OS9: variants seen among roughly 807,000 people sequenced by gnomAD.
The protein encoded by OS9 is protein OS-9.
In OS9, 58 loss-of-function variants were observed where a neutral mutation model predicts 84.7. The observed-to-expected ratio is 0.68, with a 90% CI of 0.55 to 0.85. The LOEUF is 0.85. OS9 is among the 40% of genes least tolerant of loss of function. The probability of loss-of-function intolerance (pLI) is 0.00; values close to 1 mark genes in which losing one functional copy is unlikely to be tolerated. For synonymous variants in OS9, 278 were observed against 320.8 expected (o/e 0.87, Z 1.43); for missense variants, 760 against 850.9 (o/e 0.89, Z 1.33).
chr12:57,715,968 C>T lies in OS9; in HGVS notation c.788C>T (p.Ala263Val). Residue 263 changes from alanine to valine, a missense_variant and splice_region_variant, in exon 6 of 15, where the codon GCC becomes GTC. Transcript: ENST00000315970. Reference sequence around the variant, plus strand: ...TACATGGCCTACGTTCAGAGGCAAGCCGGTGAGTAATTAGAGAAGGAGGAG... The same window carrying T: ...TACATGGCCTACGTTCAGAGGCAAGTCGGTGAGTAATTAGAGAAGGAGGAG... ...EEYMAYVQRQ[A>V]DSKQYGDKII... is the part of the protein sequence containing the mutation. 1 of 1,610,750 alleles carries T rather than the reference C, an allele frequency of 6.2e-7. No homozygotes were observed. The highest frequency in any genetic ancestry group is 8.5e-7 in the Non-Finnish European group (1 of 1,177,924).
At chr12:57,719,462 A>G (rs1306410704) in intron 12 of OS9, 4 of 410,288 alleles carry the variant, frequency 9.7e-6, no homozygotes, top group South Asian at 3.8e-5. Flanking sequence ...CTGGCACACA[A>G]TGGATGATCA....
chr12:57,698,576 G>T (rs1001692822), intron 5 of OS9, among the ~76,000 whole-genome samples: 4 of 152,204 alleles, frequency 2.6e-5, no homozygotes, highest in African/African-American at 9.7e-5. Flanking sequence ...AGGGTGAAAA[G>T]GAGGCCTCTT....
intron 5 of OS9, among the ~76,000 whole-genome samples, chr12:57,706,682 C>CA (rs961615662): frequency 1.7e-4 from 26 of 149,576 alleles, no homozygotes; most frequent in Middle Eastern, 3.4e-3. Context: ...TCCTGTCTCT[C>CA]AAAAAAAAAG....
At chr12:57,695,933 ACAGTGCTT>A in intron 3 of OS9, 21 bp from the exon 4 acceptor site, 1 of 1,592,716 alleles carries the variant, frequency 6.3e-7, no homozygotes, top group Non-Finnish European at 8.6e-7. Context: ...CTTAAGAGTA[ACAGTGCTT>A]CACTGTGGCT....
chr12:57,718,882 G>A lies in OS9; in HGVS notation c.1411-111G>A, dbSNP rs746376690. 23 of 783,404 alleles carry A rather than the reference G, an allele frequency of 2.9e-5. No homozygotes were observed. In the East Asian group the frequency reaches 3.9e-4, roughly 13 times the overall value. The allele number at this position is 783,404 out of a possible 1,614,324, so 48.5% of individuals were successfully genotyped here. A position where few individuals can be genotyped will look rare whatever the true frequency, so the allele number is the denominator to read the frequency against. On this transcript the variant is annotated intron_variant, in intron 11 of 14. Transcript: ENST00000315970. ...ACGGCACCACTGTACTCCAGCCTGG[G>A]TGATAAGCAAAACTCCATTTCAAAA...
chr12:57,719,906 A>G (rs1300798298), intron 12 of OS9, 193 bp from the exon 13 acceptor site: 10 of 543,068 alleles, frequency 1.8e-5, no homozygotes, highest in East Asian at 6.0e-5. Context: ...GAAGGCTGCA[A>G]TTGGTGGAGG....
At chr12:57,711,055 A>T (rs1186712632) in intron 5 of OS9, among the ~76,000 whole-genome samples, 2 of 150,814 alleles carry the variant, frequency 1.3e-5, no homozygotes, top group Non-Finnish European at 3.0e-5. Flanking sequence ...AAAAAAAAAA[A>T]AAAAAAGAGA....
At position 57,718,177 on chromosome 12, in the gene OS9, T is replaced by C. The variant is rs1185114960; in HGVS notation, c.1166T>C (p.Val389Ala). ...CCAAATATAGGCCAAGAGCAGCCTG[T>C]GGATGATGCTGCAGAAGTCCCTCAG... ...GKPNIGQEQP[V>A]DDAAEVPQRE... is the part of the protein sequence containing the mutation. Residue 389 changes from valine (V) to alanine (A), a missense_variant, in exon 11 of 15, where the codon GTG becomes GCG. Physicochemically the swap from Val to Ala is moderately conservative, Grantham distance 64 (BLOSUM62 0). Transcript: ENST00000315970. The C allele has an allele frequency of 3.1e-6, 5 of 1,613,932 alleles. No individual in the cohort carries two copies. Among genetic ancestry groups the C allele is most frequent in the Non-Finnish European group, 3.4e-6 (4 of 1,179,974 alleles).
intron 1 of OS9, 132 bp downstream of exon 1, chr12:57,694,455 T>TAAAAGC (rs1262133165): frequency 9.9e-7 from 1 of 1,012,154 alleles, no homozygotes; most frequent in Non-Finnish European, 1.5e-6. Flanking sequence ...GCTTTTACGG[T>TAAAAGC]GACCCCTGGG....
At chr12:57,717,528 C>T (rs567805014) in intron 9 of OS9, among the ~76,000 whole-genome samples, 44 of 152,272 alleles carry the variant, frequency 2.9e-4, no homozygotes, top group Non-Finnish European at 4.9e-4. Context: ...CGTGGTGGCT[C>T]ATGCCTGTAA....
At chr12:57,715,226 G>A (rs907034903) in intron 5 of OS9, among the ~76,000 whole-genome samples, 1 of 152,068 alleles carries the variant, frequency 6.6e-6, no homozygotes, top group African/African-American at 2.4e-5. Flanking sequence ...AGCCAGGCAT[G>A]ATGGCAGGTG....
intron 5 of OS9, among the ~76,000 whole-genome samples, chr12:57,700,665 A>G (rs1349131558): frequency 1.3e-5 from 2 of 151,838 alleles, no homozygotes; most frequent in Admixed American, 6.6e-5. Context: ...ATAAATTCCT[A>G]TTTATTGGTG....
chr12:57,719,764 G>C, intron 12 of OS9: 1 of 264,784 alleles, frequency 3.8e-6, no homozygotes, highest in Non-Finnish European at 7.3e-6. Flanking sequence ...ACATATGGAG[G>C]AGGAGACCAC....
chr12:57,710,747 A>C (rs900506501), intron 5 of OS9, among the ~76,000 whole-genome samples: 3 of 152,198 alleles, frequency 2.0e-5, no homozygotes, highest in Admixed American at 2.0e-4. Context: ...GTATGTAATG[A>C]AATATTTCCC....
intron 5 of OS9, among the ~76,000 whole-genome samples, chr12:57,700,185 G>A (rs1344792405): frequency 6.6e-6 from 1 of 151,850 alleles, no homozygotes; most frequent in South Asian, 2.1e-4. Flanking sequence ...GTAAGCATTA[G>A]TGAGAGGTGC....
chr12:57,698,623 G>A (rs1953934371), intron 5 of OS9, among the ~76,000 whole-genome samples: 1 of 152,208 alleles, frequency 6.6e-6, no homozygotes, highest in Admixed American at 6.5e-5. Flanking sequence ...TGGAGGATGA[G>A]GAGTTAGACT....
At position 57,720,070 on chromosome 12, in the gene OS9, GTGTTTCCCTGTGTGTC is replaced by G; in HGVS notation, c.1601-27_1601-12del. ...AACCCTGGAGTCACGCCTCTGCTTTGTGTTTCCCTGTGTGTCTCCCCCTCTAAGAGGAGGATCCTGA... is the reference window on the plus strand; with the variant it reads ...AACCCTGGAGTCACGCCTCTGCTTTGTCCCCCTCTAAGAGGAGGATCCTGA... On this transcript the variant is annotated splice_polypyrimidine_tract_variant and intron_variant, in intron 12 of 14. Coordinates refer to ENST00000315970, the MANE Select transcript of OS9 (RefSeq NM_006812.4). 1.9e-6 allele frequency: 3 copies of G among 1,608,964 alleles called. No homozygotes were observed. Among genetic ancestry groups the G allele is most frequent in the Non-Finnish European group, 2.5e-6 (3 of 1,177,704 alleles).
At chr12:57,715,451 T>C (rs1954457074) in intron 5 of OS9, among the ~76,000 whole-genome samples, 1 of 152,140 alleles carries the variant, frequency 6.6e-6, no homozygotes, top group South Asian at 2.1e-4. Context: ...AACAAGAATA[T>C]GAAACATAAA....
chr12:57,709,109 T>G (rs1051577025), intron 5 of OS9, among the ~76,000 whole-genome samples: 1 of 152,240 alleles, frequency 6.6e-6, no homozygotes, highest in African/African-American at 2.4e-5. Flanking sequence ...TTCTTTACTC[T>G]TTTCTTTCAG....
Sources: gnomAD v4.1 joint callset for allele counts (sites outside exome capture counted in the v4.1 genomes callset) on GRCh38, gnomAD v4.1.1 for gene constraint, MANE v1.5 for transcripts, NCBI Gene and HGNC (gene_info 2026-07-23, HGNC 2026-07-21) for gene names.